IMPG1: variants seen among roughly 807,000 people sequenced by gnomAD.
IMPG1 encodes the protein interphotoreceptor matrix proteoglycan of 150 kDa.
In IMPG1, 85 loss-of-function variants were observed where a neutral mutation model predicts 92.0. The ratio of observed to expected loss-of-function variants is 0.92; its 90% confidence interval spans 0.78 to 1.11. The LOEUF is 1.11. IMPG1 is among the 50% of genes least tolerant of loss of function. IMPG1 has a pLI of 0.00. For synonymous variants in IMPG1, 367 were observed against 334.1 expected, an observed-to-expected ratio of 1.10 and a Z score of -1.08; for missense variants, 1,022 against 956.0, an observed-to-expected ratio of 1.07 and a Z score of -0.91.
At chr6:76,061,294 A>G (rs1283287810) in intron 1 of IMPG1, among the ~76,000 whole-genome samples, 1 of 152,224 alleles carries the variant, frequency 6.6e-6, no homozygotes, top group African/African-American at 2.4e-5. Flanking sequence ...AACTTTAAGG[A>G]CATCCTCTTA....
chr6:76,040,685 G>C (rs191955949), intron 2 of IMPG1, among the ~76,000 whole-genome samples: 52 of 152,258 alleles, frequency 3.4e-4, no homozygotes, highest in African/African-American at 1.2e-3. Flanking sequence ...TATGGGTGTG[G>C]CTTCTTTCAG....
chr6:75,980,052 G>A (rs1782602631), intron 12 of IMPG1, among the ~76,000 whole-genome samples: 1 of 152,164 alleles, frequency 6.6e-6, no homozygotes, highest in South Asian at 2.1e-4. Context: ...TGAAGAGTAG[G>A]TCTGATCAAC....
chr6:76,014,311 C>G (rs1410717840), intron 7 of IMPG1, among the ~76,000 whole-genome samples: 1 of 152,190 alleles, frequency 6.6e-6, no homozygotes, highest in African/African-American at 2.4e-5. Flanking sequence ...AAGAGCAGAG[C>G]AAGTCTTTAG....
chr6:75,990,065 A>C (rs1429331831), intron 12 of IMPG1, among the ~76,000 whole-genome samples: 1 of 152,250 alleles, frequency 6.6e-6, no homozygotes, highest in Non-Finnish European at 1.5e-5. Context: ...GCAAATAAAC[A>C]AACTTACAAA....
intron 9 of IMPG1, 56 bp downstream of exon 9, chr6:76,007,424 A>G: frequency 7.5e-7 from 1 of 1,337,148 alleles, no homozygotes; most frequent in South Asian, 1.3e-5. Flanking sequence ...AAATCAGTAT[A>G]TAAATTTGGG....
At chr6:75,972,407 C>A (rs1335435766) in intron 12 of IMPG1, among the ~76,000 whole-genome samples, 1 of 138,942 alleles carries the variant, frequency 7.2e-6, no homozygotes, top group Non-Finnish European at 1.6e-5. Flanking sequence ...CATAACCCAT[C>A]CCAACCCTTT....
intron 1 of IMPG1, among the ~76,000 whole-genome samples, chr6:76,054,550 G>A (rs1784090508): frequency 1.3e-5 from 2 of 151,882 alleles, no homozygotes; most frequent in South Asian, 4.2e-4. Flanking sequence ...TGAGAAGAAT[G>A]GAAAAAAGTT....
In IMPG1 at chr6:75,931,161, A is replaced by T. The variant is rs761746257; in HGVS notation, c.2045-10T>A. 6.9e-5 allele frequency: 111 copies of T among 1,605,112 alleles called. No homozygotes were observed. Among genetic ancestry groups the T allele is most frequent in the Non-Finnish European group, 8.6e-5 (101 of 1,175,110 alleles). ...GGATCTGCTTGATCAGCTGTAAGAA[A>T]TGGGGCAGATTTTAACGCATGTATG... On this transcript the variant is annotated splice_polypyrimidine_tract_variant and intron_variant, in intron 14 of 16. Transcript: ENST00000369950.
At chr6:76,072,116 G>T (rs1292561438) in intron 1 of IMPG1, among the ~76,000 whole-genome samples, 5 of 151,994 alleles carry the variant, frequency 3.3e-5, no homozygotes, top group African/African-American at 1.2e-4. Flanking sequence ...TAGTTTCACA[G>T]ATCTACTAAT....
chr6:76,027,518 A>T (rs191545769), intron 4 of IMPG1, among the ~76,000 whole-genome samples: 2 of 152,366 alleles, frequency 1.3e-5, no homozygotes, highest in African/African-American at 2.4e-5. Flanking sequence ...GTAAAAGGTT[A>T]TAAGAAGGCA....
Position 76,005,391 on chromosome 6 carries a change from T to C in IMPG1, c.1031A>G (p.Lys344Arg). The C allele has an allele frequency of 5.0e-6, 8 of 1,614,094 alleles. No individual in the cohort carries two copies. The highest frequency in any genetic ancestry group is 6.8e-6 in the Non-Finnish European group (8 of 1,179,968). The stretch of plus-strand genomic sequence containing the variant: ...AGCTGTGAGATAGATTTCTGGTTGC[T>C]TGTCCTCCTCCATGGTTCCATGATA... ...EVYHGTMEED[K>R]QPEIYLTATD... is the part of the protein sequence containing the mutation. Residue 344 changes from lysine to arginine, a missense_variant, in exon 10 of 17, where the codon AAG becomes AGG. By Grantham distance (26) the Lys-to-Arg change is conservative. Coordinates refer to ENST00000369950, the MANE Select transcript of IMPG1 (RefSeq NM_001563.4).
intron 10 of IMPG1, among the ~76,000 whole-genome samples, chr6:76,004,779 T>C (rs571927836): frequency 2.6e-5 from 4 of 152,100 alleles, no homozygotes; most frequent in Non-Finnish European, 5.9e-5. Flanking sequence ...CATACAACAT[T>C]AGGCAACACT....
intron 12 of IMPG1, among the ~76,000 whole-genome samples, chr6:75,982,339 G>A (rs1378328243): frequency 6.6e-6 from 1 of 151,874 alleles, no homozygotes; most frequent in Non-Finnish European, 1.5e-5. Flanking sequence ...TCAGGAGTTC[G>A]AGACCAGCCT....
rs11970036 is a variant in IMPG1, at chr6:76,059,768, A to T, written c.67+12654T>A. ...GGTTTCCAACCATAAATGAACGCAA[A>T]TTAGTTTGAACTTTTATTTAAAAAG... On this transcript the variant is annotated intron_variant, in intron 1 of 16. Coordinates refer to ENST00000369950, the MANE Select transcript of IMPG1 (RefSeq NM_001563.4). Among the ~76,000 whole-genome samples the T allele has an allele frequency of 8.4e-3, 1,276 of 152,294 alleles. 17 individuals are homozygous for T. The highest frequency in any genetic ancestry group is 0.027 in the African/African-American group (1,135 of 41,564).
intron 2 of IMPG1, among the ~76,000 whole-genome samples, chr6:76,039,255 A>G (rs542056176): frequency 6.6e-6 from 1 of 152,078 alleles, no homozygotes. Flanking sequence ...GGTGGTGGTG[A>G]TGCTGTTGAT....
intron 6 of IMPG1, among the ~76,000 whole-genome samples, chr6:76,019,297 G>A (rs1783374256): frequency 1.3e-5 from 2 of 152,168 alleles, no homozygotes; most frequent in African/African-American, 4.8e-5. Flanking sequence ...CACAGAGCAA[G>A]CCCAGAGCTC....
intron 12 of IMPG1, among the ~76,000 whole-genome samples, chr6:75,974,393 T>TTCTTTCCTTCCTTCCTTCCTTCCTTGC (rs1313714060): frequency 9.2e-5 from 6 of 65,030 alleles, no homozygotes; most frequent in East Asian, 5.9e-4. Context: ...CTTTCTTTCT[T>TTCTTTCCTTCCTTCCTTCCTTCCTTGC]TTCTTTCTTT....
intron 13 of IMPG1, among the ~76,000 whole-genome samples, chr6:75,947,770 T>A (rs767182636): frequency 6.6e-6 from 1 of 152,200 alleles, no homozygotes; most frequent in African/African-American, 2.4e-5. Context: ...TGGCTGTGAT[T>A]TTTTTCATGG....
At chr6:75,922,983 A>G (rs1582042191) in intron 16 of IMPG1, among the ~76,000 whole-genome samples, 1 of 152,136 alleles carries the variant, frequency 6.6e-6, no homozygotes, top group East Asian at 1.9e-4. Flanking sequence ...ATCAAAGACT[A>G]TAATTTTTGA....
Sources: gnomAD v4.1 joint callset for allele counts (sites outside exome capture counted in the v4.1 genomes callset) on GRCh38, gnomAD v4.1.1 for gene constraint, MANE v1.5 for transcripts, NCBI Gene and HGNC (gene_info 2026-07-23, HGNC 2026-07-21) for gene names.